KIF17: variants seen among roughly 807,000 people sequenced by gnomAD.
KIF17 encodes the protein kinesin-like protein KIF17.
KIF17 carries 80 observed loss-of-function variants against 96.8 expected under a neutral mutation model. The ratio of observed to expected loss-of-function variants is 0.83; its 90% CI spans 0.69 to 1.00. The LOEUF is 1.00. Among genes scored for constraint, KIF17 ranks in the 50% least tolerant of loss-of-function variants. The pLI, the probability that KIF17 is intolerant of heterozygous loss-of-function variation, is 0.00. For missense variants in KIF17, 1,280 were observed against 1,372.9 expected (o/e 0.93, Z 1.07); for synonymous variants, 567 against 587.5 (o/e 0.97, Z 0.51).
intron 11 of KIF17, among the ~76,000 whole-genome samples, chr1:20,675,412 C>A (rs930741000): frequency 4.7e-5 from 7 of 149,690 alleles, no homozygotes; most frequent in African/African-American, 1.7e-4. Context: ...CACGCCATTG[C>A]ACTCCAGCCT....
intron 7 of KIF17, among the ~76,000 whole-genome samples, 199 bp downstream of exon 7, chr1:20,689,989 G>A (rs982868060): frequency 1.3e-5 from 2 of 152,212 alleles, no homozygotes; most frequent in Non-Finnish European, 2.9e-5. Flanking sequence ...CCATGGGCAA[G>A]TTACCTACCC....
chr1:20,686,121 AG>A lies in KIF17; in HGVS notation c.1943del (p.Pro648LeufsTer28). On this transcript the variant is annotated frameshift_variant, in exon 9 of 15. Transcript: ENST00000400463. LOFTEE classifies it high-confidence loss of function. ...ADVPKVPVQV[P>X]APTDLLEPSD... ...TGGGCTCCAGCAGGTCTGTCGGCGC[AG>A]GGACCTGGGAGGAAAGAGGGGATGG... is the stretch of plus-strand genomic sequence containing the variant. The A allele has an allele frequency of 6.4e-7, 1 of 1,566,562 alleles. No individual in the cohort carries two copies. Among genetic ancestry groups the A allele is most frequent in the Non-Finnish European group, 8.7e-7 (1 of 1,155,302 alleles).
At position 20,704,809 on chromosome 1, in the gene KIF17, C is replaced by T. The variant is rs2054313556; in HGVS notation, c.761G>A (p.Gly254Asp). 2 of 1,608,098 alleles carry T rather than the reference C, an allele frequency of 1.2e-6. No homozygotes were observed. Among genetic ancestry groups the T allele is most frequent in the Non-Finnish European group, 1.7e-6 (2 of 1,179,812 alleles). The change falls in exon 5 of 15, where the codon GGC (glycine) becomes GAC (aspartate). Residue 254 changes from glycine to aspartate, a missense_variant. By Grantham distance (94) the Gly-to-Asp change is moderately conservative. Coordinates refer to ENST00000400463, the MANE Select transcript of KIF17 (RefSeq NM_001122819.3). This position sits in a 1 kb window ranked among gnomAD's most constrained non-coding sequence, Gnocchi z 6.8. ...CTTGGTGGCCTCCTTGAGCCGCTCG[C>T]CCGTGGCCCCGGTCTTGGACTGCCG... is the stretch of plus-strand genomic sequence containing the variant. ...SERQSKTGAT[G>D]ERLKEATKIN...
intron 3 of KIF17, among the ~76,000 whole-genome samples, chr1:20,713,152 C>T (rs1427698765): frequency 4.6e-5 from 7 of 150,832 alleles, no homozygotes; most frequent in Non-Finnish European, 7.4e-5. Context: ...TGCACCACCA[C>T]GCCCAGCTAG....
chr1:20,712,782 A>ATAT (rs1241015033), intron 3 of KIF17, among the ~76,000 whole-genome samples: 2 of 65,588 alleles, frequency 3.0e-5, no homozygotes, highest in African/African-American at 1.1e-4. Flanking sequence ...AATATAGATA[A>ATAT]TATCTATATA....
At chr1:20,680,226 C>T (rs530421303) in intron 11 of KIF17, among the ~76,000 whole-genome samples, 55 of 152,292 alleles carry the variant, frequency 3.6e-4, no homozygotes, top group African/African-American at 1.3e-3. Context: ...TAAGATACCA[C>T]CTCAAACTTC....
At chr1:20,701,341 G>A (rs1417833967) in intron 5 of KIF17, among the ~76,000 whole-genome samples, 1 of 152,202 alleles carries the variant, frequency 6.6e-6, no homozygotes. Flanking sequence ...TGAGGCAGGA[G>A]AATCGCTTGA....
At chr1:20,691,406 CAG>C (rs1054909782) in intron 6 of KIF17, among the ~76,000 whole-genome samples, 2 of 151,912 alleles carry the variant, frequency 1.3e-5, no homozygotes, top group Non-Finnish European at 2.9e-5. Context: ...CCCAGCCTCC[CAG>C]AGTGTTGGGA....
rs1295898929 is a variant in KIF17 at position 20,672,103 on chromosome 1, C to CA, written c.2556dup (p.Asp853Ter). 13 of 1,614,120 alleles carry CA rather than the reference C, an allele frequency of 8.1e-6. No homozygotes were observed. The highest frequency in any genetic ancestry group is 1.1e-5 in the Non-Finnish European group (13 of 1,180,054). On this transcript the variant is annotated frameshift_variant, in exon 12 of 15. Transcript: ENST00000400463. LOFTEE classifies it high-confidence loss of function. The surrounding 1 kb of genome is among the most constrained non-coding windows in gnomAD (Gnocchi z 4.3). ...AGGAGCTGCTGCAAGAGCATGGAGT[C>CA]ACGCTCCTGCCGGCGGATGGTGGCC...
intron 5 of KIF17, 108 bp from the exon 6 acceptor site, chr1:20,698,596 A>G: frequency 1.4e-6 from 1 of 722,562 alleles, no homozygotes; most frequent in East Asian, 2.7e-5. Context: ...GAAGACTTTA[A>G]AGTATTCAGC....
chr1:20,675,109 C>T (rs2053714214), intron 11 of KIF17, among the ~76,000 whole-genome samples: 1 of 149,956 alleles, frequency 6.7e-6, no homozygotes, highest in Non-Finnish European at 1.5e-5. Flanking sequence ...CAAGATCACG[C>T]CACTGCACTC....
In KIF17 at chr1:20,704,196, G is replaced by C. The variant is rs1212322814; in HGVS notation, c.1123+251C>G. Among the ~76,000 whole-genome samples, 2 of 152,002 alleles carry C rather than the reference G, an allele frequency of 1.3e-5. No homozygotes were observed. ...GGGGGGATAATGGATGAGCAGATGA[G>C]AGGCGGGGAGTGGGCAACAGCCTGC... is the stretch of plus-strand genomic sequence containing the variant. On this transcript the variant is annotated intron_variant, in intron 5 of 14. Coordinates refer to ENST00000400463, the MANE Select transcript of KIF17 (RefSeq NM_001122819.3). The surrounding 1 kb of genome is among the most constrained non-coding windows in gnomAD (Gnocchi z 6.8).
intron 8 of KIF17, chr1:20,686,440 G>A (rs994616855): frequency 1.2e-5 from 6 of 490,648 alleles, no homozygotes; most frequent in African/African-American, 1.9e-5. Flanking sequence ...CACAACCAAG[G>A]AAGTGGTAGA....
In KIF17 at chr1:20,690,352, G is replaced by GGGGGCCGCA; in HGVS notation, c.1234-18_1234-17insTGCGGCCCC. 2.2e-6 allele frequency: 1 copy of GGGGGCCGCA among 451,170 alleles called. No individual in the cohort carries two copies. The highest frequency in any genetic ancestry group is 4.3e-6 in the Non-Finnish European group (1 of 235,148). The allele number at this position is 451,170 out of a possible 1,614,324, so 27.9% of individuals were successfully genotyped here. On this transcript the variant is annotated splice_polypyrimidine_tract_variant and intron_variant, in intron 6 of 14. Transcript: ENST00000400463. Reference sequence around the variant, plus strand: ...TTCATACTCCTGGGGGGGTGGGAGGGACCAGAGGGCAGGCAGCATTTTATC... The same window carrying GGGGGCCGCA: ...TTCATACTCCTGGGGGGGTGGGAGGGGGGGCCGCAACCAGAGGGCAGGCAGCATTTTATC...
rs1473540040 is a variant in KIF17 at position 20,713,547 on chromosome 1, C to T, written c.387G>A (p.Glu129=). 4 of 1,611,684 alleles carry T rather than the reference C, an allele frequency of 2.5e-6. No individual in the cohort carries two copies. The highest frequency in any genetic ancestry group is 2.2e-5 in the East Asian group (1 of 44,824). The change falls in exon 3 of 15, where the codon GAG becomes GAA. Residue 129 remains glutamate, a synonymous_variant. Transcript: ENST00000400463. ...AGGCCCGGACCAGGAACTTAGTGTT[C>T]TCTGCACACTGCAGGGAGTACACAG... ...EHVFESVQCA[E]NTKFLVRASY... is the part of the protein sequence containing the mutation.
intron 6 of KIF17, among the ~76,000 whole-genome samples, chr1:20,690,983 G>A (rs149896119): frequency 0.021 from 3,188 of 151,432 alleles, 95 homozygotes; most frequent in African/African-American, 0.071. Flanking sequence ...CACCACGCCC[G>A]GCCACCATCA....
rs2053928731 is a variant in KIF17, at chr1:20,685,893, G to T, written c.2019+153C>A. On this transcript the variant is annotated intron_variant, in intron 9 of 14. Coordinates refer to ENST00000400463, the MANE Select transcript of KIF17 (RefSeq NM_001122819.3). This position sits in a 1 kb window ranked among gnomAD's most constrained non-coding sequence, Gnocchi z 4.1. ...GGTTCCTCCCACTGCACACTGCCTG[G>T]CCACGGGCCACAAGCCCGGGGAAGG... is the stretch of plus-strand genomic sequence containing the variant. Among the ~76,000 whole-genome samples, 1 of 152,208 alleles carries T rather than the reference G, an allele frequency of 6.6e-6. No homozygotes were observed. The highest frequency in any genetic ancestry group is 1.5e-5 in the Non-Finnish European group (1 of 68,046).
chr1:20,717,463 C>G lies in KIF17; in HGVS notation c.231+13G>C, dbSNP rs2054598881. The G allele has an allele frequency of 3.1e-6, 5 of 1,609,512 alleles. 1 individual carries two copies. The highest frequency in any genetic ancestry group is 3.3e-5 in the Admixed American group (2 of 59,954). Reference sequence around the variant, plus strand: ...CCCTGCCGCCTGCAGGGCGGCCTGCCGGGCGCCCTCACCTCCACCAGCGGA... The same window carrying G: ...CCCTGCCGCCTGCAGGGCGGCCTGCGGGGCGCCCTCACCTCCACCAGCGGA... On this transcript the variant is annotated intron_variant, in intron 1 of 14. Transcript: ENST00000400463.
At position 20,699,275 on chromosome 1, in the gene KIF17, G is replaced by C. The variant is rs1330767897; in HGVS notation, c.1124-787C>G. On this transcript the variant is annotated intron_variant, in intron 5 of 14. Coordinates refer to ENST00000400463, the MANE Select transcript of KIF17 (RefSeq NM_001122819.3). The surrounding 1 kb of genome is among the most constrained non-coding windows in gnomAD (Gnocchi z 4.3). ...AAGTTGCCATTTAAATAGTGTGTTA[G>C]GCTGGGCACAGTGTCTCATGTCTGT... 6.6e-6 allele frequency among the ~76,000 whole-genome samples: 1 copy of C among 152,164 alleles called. No individual in the cohort carries two copies. Among genetic ancestry groups the C allele is most frequent in the East Asian group, 1.9e-4 (1 of 5,194 alleles).
Sources: allele counts gnomAD v4.1 joint callset (sites outside exome capture counted in the v4.1 genomes callset), GRCh38; gene constraint gnomAD v4.1.1; non-coding constraint Gnocchi (gnomAD v3.1); transcripts MANE v1.5; gene names NCBI Gene and HGNC (gene_info 2026-07-23, HGNC 2026-07-21).